The following CEP76 variants were observed in gnomAD, a reference collection of about 807,000 sequenced individuals.
CEP76 encodes the protein centrosomal protein of 76 kDa.
CEP76 carries 55 observed loss-of-function variants against 83.3 expected under a neutral mutation model. That is an observed-to-expected ratio of 0.66 (90% confidence interval 0.53 to 0.83). The LOEUF (loss-of-function observed/expected upper bound fraction) is 0.83. Ranked by LOEUF, CEP76 falls within the 40% of genes least tolerant of loss-of-function variation. The pLI, the probability that CEP76 is intolerant of heterozygous loss-of-function variation, is 0.00. For synonymous variants in CEP76, 270 were observed against 274.5 expected (o/e 0.98, Z 0.16); for missense variants, 694 against 799.5 (o/e 0.87, Z 1.59).
chr18:12,675,588 TGAA>T (rs1225126014), intron 10 of CEP76, among the ~76,000 whole-genome samples: 3 of 152,170 alleles, frequency 2.0e-5, no homozygotes, highest in Admixed American at 1.3e-4. Context: ...GATAAAAAGA[TGAA>T]GACATTTTAT....
intron 1 of CEP76, 195 bp downstream of exon 1, chr18:12,702,291 C>G (rs1739255507): frequency 1.8e-6 from 1 of 551,170 alleles, no homozygotes; most frequent in Non-Finnish European, 3.2e-6. Flanking sequence ...AGCACCTGCT[C>G]GGCTCGTTTT....
At chr18:12,701,300 C>G (rs1356910563) in intron 1 of CEP76, among the ~76,000 whole-genome samples, 187 bp from the exon 2 acceptor site, 4 of 152,182 alleles carry the variant, frequency 2.6e-5, no homozygotes, top group Non-Finnish European at 5.9e-5. Context: ...CACTGGTTAT[C>G]TGGCACCTTT....
rs139290213 is a variant in CEP76, at chr18:12,686,401, C to T, written c.983G>A (p.Arg328Gln). Residue 328 changes from arginine to glutamine, a missense_variant, in exon 8 of 12, where the codon CGA becomes CAA. By Grantham distance (43) the Arg-to-Gln change is conservative (BLOSUM62 1). Coordinates refer to ENST00000262127, the MANE Select transcript of CEP76 (RefSeq NM_024899.4). ...RPVCSYVKPL[R>Q]AGRLLDTPRQ... ...TGGAGTATCAAGAAGCCGTCCAGCT[C>T]GAAGTGGTTTAACATAGGAACAGAC... 176 of 1,613,954 alleles carry T rather than the reference C, an allele frequency of 1.1e-4. No individual in the cohort carries two copies. In the East Asian group the frequency reaches 3.8e-3, roughly 35 times the overall value.
Position 12,699,909 on chromosome 18 carries a change from G to A in CEP76, c.220-4C>T. 1 of 1,555,290 alleles carries A rather than the reference G, an allele frequency of 6.4e-7. No individual in the cohort carries two copies. On this transcript the variant is annotated splice_region_variant and splice_polypyrimidine_tract_variant and intron_variant, in intron 2 of 11. Transcript: ENST00000262127. ...GGAGTTCTTGCTCAACACTGTCCTAGAAAGGCAGGAAAAAAAAATCAAAAC... is the reference window on the plus strand; with the variant it reads ...GGAGTTCTTGCTCAACACTGTCCTAAAAAGGCAGGAAAAAAAAATCAAAAC...
At chr18:12,681,827 C>T (rs1271812048) in intron 8 of CEP76, among the ~76,000 whole-genome samples, 1 of 151,500 alleles carries the variant, frequency 6.6e-6, no homozygotes. Flanking sequence ...TTATAAAGAC[C>T]TATAAAAAAA....
intron 12 of CEP76, chr18:12,662,201 AAAC>A (rs947548947): frequency 2.2e-5 from 10 of 446,982 alleles, no homozygotes; most frequent in African/African-American, 2.0e-4. Flanking sequence ...GAAAAAAAAA[AAAC>A]AGCATATTTT....
chr18:12,687,749 G>C (rs780591671), intron 7 of CEP76, among the ~76,000 whole-genome samples: 2 of 151,582 alleles, frequency 1.3e-5, no homozygotes, highest in African/African-American at 2.4e-5. Flanking sequence ...CACTGTGCCT[G>C]GCCTAGAGGG....
intron 9 of CEP76, among the ~76,000 whole-genome samples, chr18:12,680,201 A>G (rs1370823326): frequency 6.6e-6 from 1 of 152,202 alleles, no homozygotes; most frequent in East Asian, 1.9e-4. Context: ...CCATAATTGA[A>G]GTACTTTTTT....
intron 1 of CEP76, among the ~76,000 whole-genome samples, chr18:12,701,370 T>G (rs1228941230): frequency 6.6e-6 from 1 of 152,174 alleles, no homozygotes; most frequent in Non-Finnish European, 1.5e-5. Flanking sequence ...GGGAGTATAG[T>G]ATAATCAGAA....
At chr18:12,686,092 T>C in intron 8 of CEP76, 170 bp downstream of exon 8, 1 of 503,714 alleles carries the variant, frequency 2.0e-6, no homozygotes, top group Non-Finnish European at 3.5e-6. Flanking sequence ...AATTTTTTAC[T>C]TTTGTAAGTA....
chr18:12,677,346 G>A (rs1017251905), intron 10 of CEP76, among the ~76,000 whole-genome samples: 1 of 150,822 alleles, frequency 6.6e-6, no homozygotes, highest in Non-Finnish European at 1.5e-5. Context: ...GCTGAGGCAG[G>A]AGAATTGCTT....
intron 7 of CEP76, 27 bp downstream of exon 7, chr18:12,691,332 A>G: frequency 6.8e-7 from 1 of 1,465,902 alleles, no homozygotes; most frequent in East Asian, 2.4e-5. Flanking sequence ...ATACAGGCAT[A>G]AAATTATTCT....
In CEP76 at chr18:12,697,336, T is replaced by C; in HGVS notation, c.593A>G (p.Lys198Arg). ...AGTCGTCTCACCAAATATGTCTGTT[T>C]TGATTAGCACCATATGAATTGGATC... is the stretch of plus-strand genomic sequence containing the variant. The part of the protein sequence containing the change: ...ISDPIHMVLI[K>R]TDIFGETTLV... Residue 198 changes from lysine to arginine, a missense_variant, in exon 5 of 12, where the codon AAA becomes AGA. Transcript: ENST00000262127. 6.2e-7 allele frequency: 1 copy of C among 1,613,930 alleles called. No individual in the cohort carries two copies. Among genetic ancestry groups the C allele is most frequent in the Non-Finnish European group, 8.5e-7 (1 of 1,179,858 alleles).
intron 7 of CEP76, 61 bp from the exon 8 acceptor site, chr18:12,686,511 T>A: frequency 3.4e-6 from 4 of 1,187,374 alleles, no homozygotes; most frequent in Non-Finnish European, 4.9e-6. Context: ...TATGTTTTTT[T>A]CAAATACATT....
intron 7 of CEP76, among the ~76,000 whole-genome samples, chr18:12,689,796 T>C (rs898574368): frequency 9.2e-5 from 14 of 152,142 alleles, no homozygotes; most frequent in Admixed American, 8.5e-4. Flanking sequence ...TTTTTGTCGT[T>C]GTTATTGTTT....
chr18:12,700,173 A>G (rs2040103266), intron 2 of CEP76: 1 of 243,372 alleles, frequency 4.1e-6, no homozygotes, highest in Non-Finnish European at 7.8e-6. Flanking sequence ...CAAATCCTTA[A>G]TACCTTCAAC....
At chr18:12,688,535 ATAG>A (rs1568023308) in intron 7 of CEP76, among the ~76,000 whole-genome samples, 1 of 152,194 alleles carries the variant, frequency 6.6e-6, no homozygotes, top group Non-Finnish European at 1.5e-5. Context: ...TCAATCATCA[ATAG>A]TAGCATCTTA....
chr18:12,667,760 C>CA (rs67167827), downstream of CEP76, among the ~76,000 whole-genome samples: 726 of 89,782 alleles, frequency 8.1e-3, 5 homozygotes, highest in South Asian at 0.013. Flanking sequence ...GACTCTTTCT[C>CA]AAAAAAAAAA....
At chr18:12,700,731 G>A (rs1172763938) in intron 2 of CEP76, among the ~76,000 whole-genome samples, 1 of 152,136 alleles carries the variant, frequency 6.6e-6, no homozygotes, top group Non-Finnish European at 1.5e-5. Context: ...TTCTGTCACT[G>A]TAGAGACAGG....
Sources: allele counts gnomAD v4.1 joint callset (sites outside exome capture counted in the v4.1 genomes callset), GRCh38; gene constraint gnomAD v4.1.1; transcripts MANE v1.5; gene names NCBI Gene and HGNC (gene_info 2026-07-23, HGNC 2026-07-21).